The following VIL1 variants were observed in gnomAD, a reference collection of about 807,000 sequenced individuals.
The protein encoded by VIL1 is villin 1.
A neutral mutation model predicts 104.0 loss-of-function variants in VIL1; 86 were observed. The ratio of observed to expected loss-of-function variants is 0.83; its 90% CI spans 0.69 to 0.99. The LOEUF (loss-of-function observed/expected upper bound fraction) is 0.99. Ranked by LOEUF, VIL1 falls within the 50% of genes least tolerant of loss-of-function variation. The probability of loss-of-function intolerance (pLI) is 0.00; values close to 1 mark genes in which losing one functional copy is unlikely to be tolerated. For missense variants in VIL1, 944 were observed against 1,054.1 expected (o/e 0.90, Z 1.45); for synonymous variants, 394 against 412.6 (o/e 0.95, Z 0.55).
At position 218,432,139 on chromosome 2, in the gene VIL1, T is replaced by C. The variant is rs1689110607; in HGVS notation, c.1297T>C (p.Tyr433His). Residue 433 changes from tyrosine to histidine, a missense_variant, in exon 12 of 20, where the codon TAC (tyrosine) becomes CAC (histidine). Transcript: ENST00000248444. Reference protein sequence around the residue: ...GGDCYLLLYTYLIGEKQHYLL... With the variant: ...GGDCYLLLYTHLIGEKQHYLL... ...CGACTGCTACCTGCTGCTCTACACCTACCTCATCGGCGAGAAGCAGCATTA... is the reference window on the plus strand; with the variant it reads ...CGACTGCTACCTGCTGCTCTACACCCACCTCATCGGCGAGAAGCAGCATTA... The C allele has an allele frequency of 6.2e-7, 1 of 1,614,028 alleles. No homozygotes were observed. Among genetic ancestry groups the C allele is most frequent in the East Asian group, 2.2e-5 (1 of 44,882 alleles).
At chr2:218,443,444 C>T (rs534525029) in intron 19 of VIL1, among the ~76,000 whole-genome samples, 1 of 151,648 alleles carries the variant, frequency 6.6e-6, no homozygotes, top group African/African-American at 2.4e-5. Flanking sequence ...GTGATCTGCC[C>T]ACCTTGCCCT....
At chr2:218,446,526 C>T (rs1412823604) in intron 19 of VIL1, among the ~76,000 whole-genome samples, 1 of 152,036 alleles carries the variant, frequency 6.6e-6, no homozygotes, top group Non-Finnish European at 1.5e-5. Context: ...TGAGCCACTA[C>T]GCCTGGCCAA....
At chr2:218,427,460 G>T (rs967240510) in intron 4 of VIL1, among the ~76,000 whole-genome samples, 6 of 152,046 alleles carry the variant, frequency 3.9e-5, no homozygotes, top group South Asian at 2.1e-4. Flanking sequence ...GAGTAGCTGG[G>T]ATTACAGGCA....
chr2:218,449,683 T>C lies in VIL1; in HGVS notation c.*347T>C. On this transcript the variant is annotated 3_prime_UTR_variant, in exon 20 of 20. Transcript: ENST00000248444. ...AGGCACTACCCTAGCTTGTCCTCTATCATGACTCATTTTTATCTATGGCAG... is the reference window on the plus strand; with the variant it reads ...AGGCACTACCCTAGCTTGTCCTCTACCATGACTCATTTTTATCTATGGCAG... The C allele has an allele frequency of 5.5e-6, 1 of 183,296 alleles. No individual in the cohort carries two copies. The highest frequency in any genetic ancestry group is 1.2e-5 in the Non-Finnish European group (1 of 84,968). 11.4% of individuals were successfully genotyped at this position (183,296 alleles called of 1,614,324 possible).
chr2:218,425,495 G>A (rs1328238535), intron 3 of VIL1, 120 bp from the exon 4 acceptor site: 2 of 959,934 alleles, frequency 2.1e-6, no homozygotes, highest in Non-Finnish European at 3.2e-6. Context: ...CCAGCCTAGT[G>A]CACTTGCCCT....
rs1689195173 is a variant in VIL1 at position 218,436,557 on chromosome 2, A to G, written c.1902A>G (p.Thr634=). 1 of 1,613,988 alleles carries G rather than the reference A, an allele frequency of 6.2e-7. No individual in the cohort carries two copies. The highest frequency in any genetic ancestry group is 1.3e-5 in the African/African-American group (1 of 74,920). The stretch of plus-strand genomic sequence containing the variant: ...ACAAGACTGGGCGCTTCCTGGCCAC[A>G]GAGATCCCTGACTTCAATCAGGATG... ...CSNKTGRFLA[T]EIPDFNQDDL... Residue 634 remains threonine, a synonymous_variant, in exon 16 of 20, where the codon ACA becomes ACG. Coordinates refer to ENST00000248444, the MANE Select transcript of VIL1 (RefSeq NM_007127.3).
Position 218,435,325 on chromosome 2 carries a change from G to T in VIL1, c.1717G>T (p.Val573Phe). Residue 573 changes from valine (V) to phenylalanine (F), a missense_variant, in exon 15 of 20, where the codon GTT (valine) becomes TTT (phenylalanine). Coordinates refer to ENST00000248444, the MANE Select transcript of VIL1 (RefSeq NM_007127.3). ...SGDEREMAKM[V>F]ADTISRTEKQ... Reference sequence around the variant, plus strand: ...GGACGAGCGGGAGATGGCCAAGATGGTTGCTGACACCATCTCCCGGACGGA... The same window carrying T: ...GGACGAGCGGGAGATGGCCAAGATGTTTGCTGACACCATCTCCCGGACGGA... 1.9e-6 allele frequency: 3 copies of T among 1,614,114 alleles called. No individual in the cohort carries two copies. The highest frequency in any genetic ancestry group is 2.5e-6 in the Non-Finnish European group (3 of 1,179,990).
chr2:218,420,300 A>G (rs1450148426), intron 1 of VIL1, among the ~76,000 whole-genome samples: 1 of 151,782 alleles, frequency 6.6e-6, no homozygotes, highest in South Asian at 2.1e-4. Flanking sequence ...GTGCTCGCGC[A>G]CGCCTATAGT....
At chr2:218,441,599 G>A (rs1689286125) in intron 19 of VIL1, among the ~76,000 whole-genome samples, 1 of 152,134 alleles carries the variant, frequency 6.6e-6, no homozygotes, top group Non-Finnish European at 1.5e-5. Flanking sequence ...GGGAGGCAGG[G>A]CTGAACTGGC....
rs373701508 is a variant in VIL1, at chr2:218,429,376, C to T, written c.659C>T (p.Pro220Leu). The change falls in exon 7 of 20, where the codon CCG (proline) becomes CTG (leucine). Residue 220 changes from proline (P) to leucine (L), a missense_variant. Coordinates refer to ENST00000248444, the MANE Select transcript of VIL1 (RefSeq NM_007127.3). The part of the protein sequence containing the change: ...VVDGENELAS[P>L]KLMEVMNHVL... ...GACGGAGAGAATGAATTGGCATCCC[C>T]GAAGCTGATGGAGGTGATGAACCAC... The T allele has an allele frequency of 1.1e-5, 17 of 1,614,108 alleles. No individual in the cohort carries two copies. Among genetic ancestry groups the T allele is most frequent in the Admixed American group, 1.7e-5 (1 of 60,016 alleles).
intron 19 of VIL1, among the ~76,000 whole-genome samples, chr2:218,447,715 G>A (rs1689389379): frequency 6.6e-6 from 1 of 151,930 alleles, no homozygotes; most frequent in African/African-American, 2.4e-5. Flanking sequence ...TTAAGTGGAG[G>A]TAAATGAACA....
rs149501344 is a variant in VIL1 at position 218,429,446 on chromosome 2, G to A, written c.729G>A (p.Thr243=). 3.8e-5 allele frequency: 62 copies of A among 1,613,914 alleles called. No homozygotes were observed. The Admixed American group carries it at 7.8e-4, about 20-fold the overall frequency. The change falls in exon 7 of 20, where the codon ACG becomes ACA. Residue 243 remains threonine (T), a synonymous_variant. Transcript: ENST00000248444. The part of the protein sequence containing the change: ...RRELKAAVPD[T]VVEPALKAAL... ...AGCTGAAGGCGGCCGTGCCCGACACGGTGGTGGAGCCGGCACTCAAGGCTG... is the reference window on the plus strand; with the variant it reads ...AGCTGAAGGCGGCCGTGCCCGACACAGTGGTGGAGCCGGCACTCAAGGCTG...
rs1164133546 is a variant in VIL1 at position 218,452,086 on chromosome 2, G to A, written c.*2750G>A. 6.6e-6 allele frequency: 1 copy of A among 152,482 alleles called. No homozygotes were observed. Among genetic ancestry groups the A allele is most frequent in the African/African-American group, 2.4e-5 (1 of 41,410 alleles). The allele number at this position is 152,482 out of a possible 1,614,324, so 9.4% of individuals were successfully genotyped here. Reference sequence around the variant, plus strand: ...ACTTTCCAACCTTCAGTACTATTAGGTGATTAAAATCAACAAATATGAAGT... The same window carrying A: ...ACTTTCCAACCTTCAGTACTATTAGATGATTAAAATCAACAAATATGAAGT... On this transcript the variant is annotated 3_prime_UTR_variant, in exon 20 of 20. Coordinates refer to ENST00000248444, the MANE Select transcript of VIL1 (RefSeq NM_007127.3).
intron 18 of VIL1, among the ~76,000 whole-genome samples, chr2:218,439,342 T>C (rs1330200570): frequency 1.3e-5 from 2 of 152,206 alleles, no homozygotes; most frequent in African/African-American, 4.8e-5. Flanking sequence ...TTCTGGTTTA[T>C]AGACTTAGAA....
chr2:218,442,233 A>C (rs1256386781), intron 19 of VIL1, among the ~76,000 whole-genome samples: 1 of 152,172 alleles, frequency 6.6e-6, no homozygotes, highest in African/African-American at 2.4e-5. Flanking sequence ...TCATTCTCCA[A>C]GATAGAAAAC....
chr2:218,440,949 G>T, intron 19 of VIL1, 87 bp downstream of exon 19: 3 of 1,520,762 alleles, frequency 2.0e-6, no homozygotes, highest in South Asian at 1.2e-5. Flanking sequence ...CAGGTGACTA[G>T]GTGCTGGGGA....
intron 19 of VIL1, among the ~76,000 whole-genome samples, chr2:218,445,963 A>C (rs1482809014): frequency 1.3e-5 from 2 of 152,156 alleles, no homozygotes; most frequent in African/African-American, 2.4e-5. Flanking sequence ...TAAAAAGGTA[A>C]AATTGTGCTA....
chr2:218,449,443 C>A lies in VIL1; in HGVS notation c.*107C>A. ...TTGAAGTGAAATTTTGCAGATGTGC[C>A]TATGAGCACAAACTTCTGTGGCAAA... On this transcript the variant is annotated 3_prime_UTR_variant, in exon 20 of 20. Transcript: ENST00000248444. The A allele has an allele frequency of 1.1e-6, 1 of 893,468 alleles. No individual in the cohort carries two copies. 55.3% of individuals were successfully genotyped at this position (893,468 alleles called of 1,614,324 possible). A position where few individuals can be genotyped will look rare whatever the true frequency, so the allele number is the denominator to read the frequency against.
intron 1 of VIL1, among the ~76,000 whole-genome samples, chr2:218,419,466 A>G (rs1230946742): frequency 6.6e-6 from 1 of 152,144 alleles, no homozygotes; most frequent in African/African-American, 2.4e-5. Flanking sequence ...TTCTAGAGTT[A>G]AAACCAGGAC....
Sources: allele counts gnomAD v4.1 joint callset (sites outside exome capture counted in the v4.1 genomes callset), GRCh38; gene constraint gnomAD v4.1.1; transcripts MANE v1.5; gene names NCBI Gene and HGNC (gene_info 2026-07-23, HGNC 2026-07-21).